Variants in GABRB1 observed in about 807,000 individuals in gnomAD.
GABRB1 encodes the protein gamma-aminobutyric acid type A receptor subunit beta1.
In GABRB1, 17 loss-of-function variants were observed where a neutral mutation model predicts 51.6. The observed-to-expected ratio is 0.33, with a 90% CI of 0.23 to 0.49. GABRB1 has a LOEUF of 0.49. GABRB1 is among the 20% of genes least tolerant of loss of function. The pLI, the probability that GABRB1 is intolerant of heterozygous loss-of-function variation, is 0.99. For missense variants in GABRB1, 410 were observed against 600.6 expected (o/e 0.68, Z 3.32); for synonymous variants, 247 against 218.9 (o/e 1.13, Z -1.14).
chr4:47,192,758 AT>A (rs1238311024), intron 4 of GABRB1, among the ~76,000 whole-genome samples: 1 of 152,218 alleles, frequency 6.6e-6, no homozygotes, highest in Admixed American at 6.5e-5. Context: ...CACAAAATTA[AT>A]GATAGATCCA....
At chr4:47,077,947 T>A (rs1727640282) in intron 3 of GABRB1, among the ~76,000 whole-genome samples, 1 of 112,124 alleles carries the variant, frequency 8.9e-6, no homozygotes, top group Non-Finnish European at 1.8e-5. Flanking sequence ...ATTTTATATA[T>A]ATTATATATT....
chr4:47,019,672 T>TTTCTTTCTTTCCTTCTTTCCTTC (rs1560498213), intron 1 of GABRB1, among the ~76,000 whole-genome samples: 1 of 141,124 alleles, frequency 7.1e-6, no homozygotes, highest in Admixed American at 7.2e-5. Flanking sequence ...TCTTTCTTTC[T>TTTCTTTCTTTCCTTCTTTCCTTC]TTCTTTCCTT....
At chr4:47,280,591 A>G (rs1047932970) in intron 4 of GABRB1, among the ~76,000 whole-genome samples, 1 of 151,314 alleles carries the variant, frequency 6.6e-6, no homozygotes, top group African/African-American at 2.4e-5. Context: ...ACATTATTTC[A>G]GCTATTTTTG....
At chr4:47,238,949 G>A (rs1184753471) in intron 4 of GABRB1, among the ~76,000 whole-genome samples, 1 of 152,174 alleles carries the variant, frequency 6.6e-6, no homozygotes, top group African/African-American at 2.4e-5. Context: ...GAAAATGTTA[G>A]TTGAGGACAG....
intron 4 of GABRB1, among the ~76,000 whole-genome samples, chr4:47,177,808 G>T (rs961449887): frequency 2.4e-5 from 3 of 126,840 alleles, no homozygotes; most frequent in South Asian, 5.4e-4. Flanking sequence ...TGTGAAATAA[G>T]AACAGTGGTT....
intron 3 of GABRB1, among the ~76,000 whole-genome samples, chr4:47,067,758 G>A (rs899837160): frequency 1.3e-5 from 2 of 151,522 alleles, no homozygotes; most frequent in African/African-American, 4.9e-5. Flanking sequence ...TAAGTTCTGG[G>A]GTACATGTGC....
At position 47,372,638 on chromosome 4, in the gene GABRB1, C is replaced by G. The variant is rs550195744; in HGVS notation, c.545-30680C>G. Among the ~76,000 whole-genome samples, 19 of 152,302 alleles carry G rather than the reference C, an allele frequency of 1.2e-4. No individual in the cohort carries two copies. In the South Asian group the frequency reaches 3.9e-3, roughly 32 times the overall value. ...GAAAAGAGTCAAGTCGGCTCTGTCA[C>G]CCTGCTTTTCTTTCTGGACTAGACA... On this transcript the variant is annotated intron_variant, in intron 5 of 8. Transcript: ENST00000295454.
intron 4 of GABRB1, among the ~76,000 whole-genome samples, chr4:47,247,218 G>A (rs1019396139): frequency 3.3e-5 from 5 of 152,036 alleles, no homozygotes; most frequent in African/African-American, 1.2e-4. Context: ...CGAGGATCCA[G>A]TTACATTCTC....
intron 5 of GABRB1, among the ~76,000 whole-genome samples, chr4:47,364,057 G>A (rs1277175983): frequency 1.3e-5 from 2 of 152,178 alleles, no homozygotes; most frequent in Admixed American, 6.5e-5. Flanking sequence ...GATCGCTGGA[G>A]ATAGAAATGG....
intron 4 of GABRB1, among the ~76,000 whole-genome samples, chr4:47,314,014 T>C (rs896686747): frequency 6.6e-6 from 1 of 152,112 alleles, no homozygotes; most frequent in Non-Finnish European, 1.5e-5. Flanking sequence ...GGAAATCAGA[T>C]GACTTTTTAA....
rs1321964983 is a variant in GABRB1 at position 47,161,318 on chromosome 4, C to T, written c.310C>T (p.Leu104=). Residue 104 remains leucine, a synonymous_variant, in exon 4 of 9, where the codon CTG becomes TTG. Coordinates refer to ENST00000295454, the MANE Select transcript of GABRB1 (RefSeq NM_000812.4). ...AAGGCTTTCTTATTCTGGAATCCCACTGAACCTCACCCTAGACAATAGGGT... is the reference window on the plus strand; with the variant it reads ...AAGGCTTTCTTATTCTGGAATCCCATTGAACCTCACCCTAGACAATAGGGT... ...DKRLSYSGIP[L]NLTLDNRVAD... is the part of the protein sequence containing the mutation. 1.2e-6 allele frequency: 2 copies of T among 1,612,486 alleles called. No homozygotes were observed. Among genetic ancestry groups the T allele is most frequent in the Non-Finnish European group, 1.7e-6 (2 of 1,179,162 alleles).
chr4:47,252,259 G>A (rs2109865204), intron 4 of GABRB1, among the ~76,000 whole-genome samples: 1 of 152,108 alleles, frequency 6.6e-6, no homozygotes. Context: ...AGTAAGGTCA[G>A]AAACTTCTCC....
intron 4 of GABRB1, among the ~76,000 whole-genome samples, chr4:47,204,457 C>A (rs1252794398): frequency 1.3e-5 from 2 of 152,066 alleles, no homozygotes; most frequent in African/African-American, 4.8e-5. Flanking sequence ...TCTTGAGAGG[C>A]CACCTAATTC....
chr4:47,029,716 T>C (rs1032630023), upstream of GABRB1, among the ~76,000 whole-genome samples: 1 of 152,110 alleles, frequency 6.6e-6, no homozygotes, highest in African/African-American at 2.4e-5. Context: ...TAATATATTT[T>C]CATGTATGTA....
chr4:47,286,341 A>G (rs1037923336), intron 4 of GABRB1, among the ~76,000 whole-genome samples: 17 of 152,124 alleles, frequency 1.1e-4, no homozygotes, highest in Non-Finnish European at 1.6e-4. Flanking sequence ...ATCATACATG[A>G]TTTTTATTTT....
intron 3 of GABRB1, among the ~76,000 whole-genome samples, chr4:47,040,607 T>C (rs749144362): frequency 6.6e-6 from 1 of 152,056 alleles, no homozygotes; most frequent in African/African-American, 2.4e-5. Context: ...GAAAAAAAAT[T>C]AGAGTATATT....
intron 8 of GABRB1, among the ~76,000 whole-genome samples, chr4:47,421,775 A>T (rs1729096419): frequency 6.6e-6 from 1 of 152,104 alleles, no homozygotes; most frequent in South Asian, 2.1e-4. Context: ...GATCTATATT[A>T]TGCCATGTAC....
At chr4:47,287,091 C>T (rs1338375170) in intron 4 of GABRB1, among the ~76,000 whole-genome samples, 1 of 152,050 alleles carries the variant, frequency 6.6e-6, no homozygotes, top group Non-Finnish European at 1.5e-5. Context: ...CAACTCTGGT[C>T]CTCATAATCA....
At chr4:47,010,822 C>A (rs1724560484) in intron 1 of GABRB1, among the ~76,000 whole-genome samples, 1 of 152,156 alleles carries the variant, frequency 6.6e-6, no homozygotes, top group Non-Finnish European at 1.5e-5. Flanking sequence ...GTGCCTATTT[C>A]ATAGGATTTT....
Sources: gnomAD v4.1 joint callset for allele counts (sites outside exome capture counted in the v4.1 genomes callset) on GRCh38, gnomAD v4.1.1 for gene constraint, MANE v1.5 for transcripts, NCBI Gene and HGNC (gene_info 2026-07-23, HGNC 2026-07-21) for gene names.